The following COL4A2 variants were observed in gnomAD, a reference collection of about 807,000 sequenced individuals.
COL4A2 encodes collagen alpha-2(IV) chain.
Under a neutral mutation model 200.2 loss-of-function variants are expected in COL4A2, and 99 were observed. The ratio of observed to expected loss-of-function variants is 0.49; its 90% CI spans 0.42 to 0.58. The LOEUF (loss-of-function observed/expected upper bound fraction) is 0.58. Ranked by LOEUF, COL4A2 falls within the 20% of genes least tolerant of loss-of-function variation. The pLI is 0.00. For synonymous variants in COL4A2, 897 were observed against 900.6 expected (o/e 1.00, Z 0.07); for missense variants, 1,950 against 2,314.1 (o/e 0.84, Z 3.23).
intron 28 of COL4A2, among the ~76,000 whole-genome samples, chr13:110,471,139 T>A (rs1882454466): frequency 6.6e-6 from 1 of 152,250 alleles, no homozygotes; most frequent in Non-Finnish European, 1.5e-5. Context: ...GAGAGAAGGA[T>A]AATAATTCCT....
chr13:110,313,078 G>A (rs548540961), intron 3 of COL4A2, among the ~76,000 whole-genome samples: 20 of 152,282 alleles, frequency 1.3e-4, no homozygotes, highest in South Asian at 6.2e-4. Context: ...CCAGGATATC[G>A]CTTAGAAATC....
At chr13:110,368,179 C>A (rs1877836648) in intron 4 of COL4A2, among the ~76,000 whole-genome samples, 1 of 152,174 alleles carries the variant, frequency 6.6e-6, no homozygotes, top group African/African-American at 2.4e-5. Context: ...TGATGAATAT[C>A]CACTCTGTTC....
At chr13:110,348,066 T>C (rs1410917510) in intron 3 of COL4A2, among the ~76,000 whole-genome samples, 1 of 152,240 alleles carries the variant, frequency 6.6e-6, no homozygotes, top group Non-Finnish European at 1.5e-5. Context: ...CTCGTTGAAC[T>C]ACTGTCATTT....
At chr13:110,322,672 G>T (rs12869798) in intron 3 of COL4A2, among the ~76,000 whole-genome samples, 6 of 152,212 alleles carry the variant, frequency 3.9e-5, no homozygotes, top group Non-Finnish European at 5.9e-5. Context: ...GGGGTCAGAA[G>T]ATGGAGAGTG....
intron 4 of COL4A2, among the ~76,000 whole-genome samples, chr13:110,414,406 T>C (rs987266701): frequency 7.9e-5 from 12 of 152,310 alleles, no homozygotes; most frequent in Middle Eastern, 3.4e-3. Context: ...GACCAGAAAA[T>C]TCACAAGGTC....
chr13:110,472,347 C>A (rs534187707), intron 28 of COL4A2, among the ~76,000 whole-genome samples: 1 of 152,204 alleles, frequency 6.6e-6, no homozygotes, highest in African/African-American at 2.4e-5. Context: ...GATCTCCTGA[C>A]CTCGTGATTC....
rs370498 is a variant in COL4A2 at position 110,489,192 on chromosome 13, T to C, written c.3208-253T>C. ...TCAAGGCAACATTGAGCTATGATTGTGCTTCTGCACTCCAGCCAGGGTGAC... is the reference window on the plus strand; with the variant it reads ...TCAAGGCAACATTGAGCTATGATTGCGCTTCTGCACTCCAGCCAGGGTGAC... On this transcript the variant is annotated intron_variant, in intron 34 of 47. Coordinates refer to ENST00000360467, the MANE Select transcript of COL4A2 (RefSeq NM_001846.4). Among the ~76,000 whole-genome samples, 22,327 of 152,078 alleles carry C rather than the reference T, an allele frequency of 0.15. 1,659 individuals are homozygous for C. The highest frequency in any genetic ancestry group is 0.2 in the African/African-American group (8,190 of 41,454).
At chr13:110,505,185 C>T (rs930486280) in intron 45 of COL4A2, among the ~76,000 whole-genome samples, 1 of 151,360 alleles carries the variant, frequency 6.6e-6, no homozygotes, top group African/African-American at 2.4e-5. Flanking sequence ...CCCGTCTCTA[C>T]TAAAAATACA....
intron 20 of COL4A2, among the ~76,000 whole-genome samples, chr13:110,452,816 G>A (rs192806993): frequency 6.6e-6 from 1 of 152,190 alleles, no homozygotes; most frequent in East Asian, 1.9e-4. Context: ...AGGCTGGAGT[G>A]CAGTGGTATG....
chr13:110,390,777 TGC>T, intron 4 of COL4A2, among the ~76,000 whole-genome samples: 1 of 152,136 alleles, frequency 6.6e-6, no homozygotes, highest in African/African-American at 2.4e-5. Flanking sequence ...CAGGGCAGCC[TGC>T]GGTTACACTT....
chr13:110,510,323 T>A (rs533187907), intron 47 of COL4A2, among the ~76,000 whole-genome samples: 54 of 152,248 alleles, frequency 3.5e-4, no homozygotes, highest in African/African-American at 1.3e-3. Flanking sequence ...AAAGTCATTT[T>A]CCTCCCCTCC....
At position 110,454,410 on chromosome 13, in the gene COL4A2, A is replaced by C. The variant is rs189335242; in HGVS notation, c.1340-2933A>C. Among the ~76,000 whole-genome samples, 59 of 152,296 alleles carry C rather than the reference A, an allele frequency of 3.9e-4. 1 individual carries two copies. Among genetic ancestry groups the C allele is most frequent in the African/African-American group, 1.3e-3 (53 of 41,556 alleles). On this transcript the variant is annotated intron_variant, in intron 20 of 47. Coordinates refer to ENST00000360467, the MANE Select transcript of COL4A2 (RefSeq NM_001846.4). ...GCCCACAATCTCTTTGTCCTGAATG[A>C]ATGACGTGTCTCAGATTGACAATGG... is the stretch of plus-strand genomic sequence containing the variant.
chr13:110,438,805 C>CA (rs1881006845), intron 15 of COL4A2, 137 bp downstream of exon 15: 9 of 669,610 alleles, frequency 1.3e-5, no homozygotes, highest in South Asian at 5.3e-5. Context: ...ACTCCCCACC[C>CA]CCCCCCACAC....
At chr13:110,361,106 C>T (rs1002411710) in intron 4 of COL4A2, among the ~76,000 whole-genome samples, 2 of 152,214 alleles carry the variant, frequency 1.3e-5, no homozygotes, top group African/African-American at 4.8e-5. Context: ...TGGAGATATT[C>T]TTCTGTGTGT....
At chr13:110,473,284 C>A in intron 29 of COL4A2, 134 bp downstream of exon 29, 1 of 743,338 alleles carries the variant, frequency 1.3e-6, no homozygotes, top group Non-Finnish European at 2.1e-6. Context: ...TACCTTCTCC[C>A]ATGGCCTTCC....
chr13:110,507,887 G>C (rs367607999), intron 46 of COL4A2, 48 bp from the exon 47 acceptor site: 6 of 1,581,558 alleles, frequency 3.8e-6, no homozygotes, highest in Non-Finnish European at 5.2e-6. Flanking sequence ...TGGCAGGTGC[G>C]TCTTCTAGCC....
intron 16 of COL4A2, among the ~76,000 whole-genome samples, chr13:110,445,311 C>T (rs1350014556): frequency 2.6e-5 from 4 of 152,164 alleles, no homozygotes; most frequent in African/African-American, 7.2e-5. Context: ...AAAAGCAACC[C>T]GACACTCATA....
intron 16 of COL4A2, among the ~76,000 whole-genome samples, chr13:110,440,727 C>G (rs1881088634): frequency 6.6e-6 from 1 of 152,254 alleles, no homozygotes; most frequent in African/African-American, 2.4e-5. Flanking sequence ...TCACTGTTCA[C>G]TGTGCCTGCG....
chr13:110,467,025 C>G lies in COL4A2; in HGVS notation c.2039-15C>G. ...AGGATTGCTTGGGCTCATCTTTTCT[C>G]CTTTCTGTCCCCAGGTTGCATAGGA... On this transcript the variant is annotated splice_polypyrimidine_tract_variant and intron_variant, in intron 26 of 47. Transcript: ENST00000360467. 2 of 1,613,962 alleles carry G rather than the reference C, an allele frequency of 1.2e-6. No homozygotes were observed. Among genetic ancestry groups the G allele is most frequent in the Non-Finnish European group, 1.7e-6 (2 of 1,179,942 alleles).
Sources: allele counts gnomAD v4.1 joint callset (sites outside exome capture counted in the v4.1 genomes callset), GRCh38; gene constraint gnomAD v4.1.1; transcripts MANE v1.5; gene names NCBI Gene and HGNC (gene_info 2026-07-23, HGNC 2026-07-21).